The following SPATA9 variants were observed in gnomAD, a reference collection of about 807,000 sequenced individuals.
SPATA9 encodes the protein spermatogenesis associated 9, also known as spermatogenesis-associated protein 9.
Under a neutral mutation model 25.5 loss-of-function variants are expected in SPATA9, and 27 were observed. The ratio of observed to expected loss-of-function variants is 1.06; its 90% CI spans 0.78 to 1.46. The LOEUF (loss-of-function observed/expected upper bound fraction) is 1.46, where lower values mean the gene tolerates loss of function less well. SPATA9 is among the 40% of genes most tolerant of loss of function. The probability of loss-of-function intolerance (pLI) is 0.00; values close to 1 mark genes in which losing one functional copy is unlikely to be tolerated. For missense variants in SPATA9, 282 were observed against 297.5 expected, an observed-to-expected ratio of 0.95 and a Z score of 0.38; for synonymous variants, 102 against 105.7, an observed-to-expected ratio of 0.97 and a Z score of 0.21.
At chr5:95,685,152 A>G (rs1753707535), upstream of SPATA9, among the ~76,000 whole-genome samples, 1 of 152,242 alleles carries the variant, frequency 6.6e-6, no homozygotes, top group Non-Finnish European at 1.5e-5. Flanking sequence ...AAAGGAAACA[A>G]TACTTGATGA....
intron 1 of SPATA9, among the ~76,000 whole-genome samples, chr5:95,693,517 T>C (rs2158093): frequency 0.33 from 50,424 of 152,014 alleles, 9,184 homozygotes; most frequent in Non-Finnish European, 0.41. Context: ...CTCAAAAACA[T>C]TTAAAACTAA....
chr5:95,680,508 T>A (rs1753350907), intron 2 of SPATA9, among the ~76,000 whole-genome samples: 1 of 152,194 alleles, frequency 6.6e-6, no homozygotes, highest in South Asian at 2.1e-4. Flanking sequence ...TTCAATGGCT[T>A]TCATAGAATT....
At chr5:95,669,080 A>C (rs970457928) in intron 3 of SPATA9, among the ~76,000 whole-genome samples, 2 of 152,222 alleles carry the variant, frequency 1.3e-5, no homozygotes, top group Admixed American at 6.5e-5. Flanking sequence ...GCAACTCACA[A>C]CACCTTTGAA....
At chr5:95,672,458 T>G (rs1752492001) in intron 3 of SPATA9, among the ~76,000 whole-genome samples, 1 of 149,910 alleles carries the variant, frequency 6.7e-6, no homozygotes, top group Non-Finnish European at 1.5e-5. Context: ...AAAAGAGGTT[T>G]TTTTTTTTTT....
intron 3 of SPATA9, chr5:95,670,753 A>T (rs1010271248): frequency 2.7e-6 from 2 of 729,152 alleles, no homozygotes; most frequent in Admixed American, 1.3e-4. Flanking sequence ...CTCTCAGCAC[A>T]CTCTGGTACC....
intron 1 of SPATA9, among the ~76,000 whole-genome samples, chr5:95,691,229 A>AAG (rs386404487): frequency 6.6e-6 from 1 of 151,776 alleles, no homozygotes; most frequent in Non-Finnish European, 1.5e-5. Flanking sequence ...AAAAAAAAAA[A>AAG]ATTCATTTAT....
At chr5:95,684,778 C>T (rs1162932586), upstream of SPATA9, 2 of 152,178 alleles carry the variant, frequency 1.3e-5, no homozygotes, top group African/African-American at 2.4e-5. Flanking sequence ...AAAGAACCCA[C>T]AATGTCTGTT....
chr5:95,720,614 GC>G, the SPATA9 span, among the ~76,000 whole-genome samples: 1 of 151,950 alleles, frequency 6.6e-6, no homozygotes, highest in Non-Finnish European at 1.5e-5. Flanking sequence ...ACAAAATGAA[GC>G]AAAGTAAACT....
chr5:95,726,450 T>G, the SPATA9 span, among the ~76,000 whole-genome samples: 5 of 152,258 alleles, frequency 3.3e-5, no homozygotes, highest in Non-Finnish European at 7.3e-5. Flanking sequence ...TGGTGTTTAG[T>G]TTTTAAGTTG....
the SPATA9 span, among the ~76,000 whole-genome samples, chr5:95,715,923 A>T: frequency 6.6e-6 from 1 of 152,274 alleles, no homozygotes; most frequent in Non-Finnish European, 1.5e-5. Context: ...ATTTCAACAG[A>T]TACCACATAA....
upstream of SPATA9, among the ~76,000 whole-genome samples, chr5:95,686,502 TAAC>T (rs1446422028): frequency 2.6e-5 from 4 of 152,200 alleles, no homozygotes; most frequent in African/African-American, 9.7e-5. Context: ...ATTAATTAAA[TAAC>T]AAGTTTATGA....
chr5:95,731,796 C>T, the SPATA9 span: 1 of 1,602,214 alleles, frequency 6.2e-7, no homozygotes. Context: ...ACTTCCTGTT[C>T]CGAGGAGAGA....
downstream of SPATA9, chr5:95,652,721 G>A (rs1207907715): frequency 4.2e-6 from 1 of 236,530 alleles, no homozygotes; most frequent in East Asian, 9.1e-5. Flanking sequence ...TGTAGCCTTT[G>A]AATAGTGCCT....
At chr5:95,697,999 C>T (rs1182166892) in intron 1 of SPATA9, among the ~76,000 whole-genome samples, 1 of 151,900 alleles carries the variant, frequency 6.6e-6, no homozygotes, top group African/African-American at 2.4e-5. Context: ...CCTATGCCTA[C>T]TACTTCATAT....
At chr5:95,719,532 G>A in the SPATA9 span, 1 of 152,212 alleles carries the variant, frequency 6.6e-6, no homozygotes, top group African/African-American at 2.4e-5. Flanking sequence ...CTGATACTGG[G>A]TAGTGAGCAG....
intron 3 of SPATA9, 114 bp downstream of exon 3, chr5:95,675,298 A>G: frequency 1.2e-6 from 1 of 824,638 alleles, no homozygotes; most frequent in Non-Finnish European, 1.9e-6. Context: ...TCTCTTATCC[A>G]AGTATATCTG....
At position 95,675,617 on chromosome 5, in the gene SPATA9, G is replaced by A; in HGVS notation, c.173C>T (p.Thr58Ile). The A allele has an allele frequency of 6.2e-7, 1 of 1,614,118 alleles. No homozygotes were observed. The highest frequency in any genetic ancestry group is 1.1e-5 in the South Asian group (1 of 91,076). Reference protein sequence around the residue: ...SNQKREPAQKTSKIRMAIALA... With the variant: ...SNQKREPAQKISKIRMAIALA... ...AGCAATAGCCATCCTGATTTTGGAT[G>A]TTTTCTGCGCAGGTTCTCTTTTCTG... is the stretch of plus-strand genomic sequence containing the variant. The change falls in exon 3 of 5, where the codon ACA becomes ATA. Residue 58 changes from threonine (T) to isoleucine (I), a missense_variant. Coordinates refer to ENST00000274432, the MANE Select transcript of SPATA9 (RefSeq NM_031952.4).
chr5:95,658,554 C>CT lies in SPATA9; in HGVS notation c.*68dup. ...CAATTCAGAATATGTAAACTAGACTCTGAGTTTTGTCAGATGAAATGTGCC... is the reference window on the plus strand; with the variant it reads ...CAATTCAGAATATGTAAACTAGACTCTTGAGTTTTGTCAGATGAAATGTGCC... On this transcript the variant is annotated 3_prime_UTR_variant, in exon 5 of 5. Coordinates refer to ENST00000274432, the MANE Select transcript of SPATA9 (RefSeq NM_031952.4). 3 of 1,505,358 alleles carry CT rather than the reference C, an allele frequency of 2.0e-6. No individual in the cohort carries two copies. The highest frequency in any genetic ancestry group is 1.8e-6 in the Non-Finnish European group (2 of 1,130,480). 93.3% of individuals were successfully genotyped at this position (1,505,358 alleles called of 1,614,324 possible).
intron 4 of SPATA9, 100 bp from the exon 5 acceptor site, chr5:95,659,013 C>G: frequency 5.6e-6 from 8 of 1,416,588 alleles, no homozygotes; most frequent in Non-Finnish European, 7.6e-6. Context: ...GTCATTTAAT[C>G]TACATAATCT....
Sources: gnomAD v4.1 joint callset for allele counts (sites outside exome capture counted in the v4.1 genomes callset) on GRCh38, gnomAD v4.1.1 for gene constraint, MANE v1.5 for transcripts, NCBI Gene and HGNC (gene_info 2026-07-23, HGNC 2026-07-21) for gene names.